The following CDK14 variants were observed in gnomAD, a reference collection of about 807,000 sequenced individuals.
CDK14 encodes the protein cyclin-dependent kinase 14.
In CDK14, 34 loss-of-function variants were observed where a neutral mutation model predicts 60.7. That is an observed-to-expected ratio of 0.56 (90% CI 0.43 to 0.75). The LOEUF is 0.75. Ranked by LOEUF, CDK14 falls within the 30% of genes least tolerant of loss-of-function variation. The probability of loss-of-function intolerance (pLI) is 0.00; values close to 1 mark genes in which losing one functional copy is unlikely to be tolerated. For synonymous variants in CDK14, 197 were observed against 203.7 expected (o/e 0.97, Z 0.28); for missense variants, 482 against 564.1 (o/e 0.85, Z 1.47).
At chr7:91,168,770 C>T (rs1480940291) in intron 14 of CDK14, among the ~76,000 whole-genome samples, 12 of 152,204 alleles carry the variant, frequency 7.9e-5, no homozygotes, top group Admixed American at 3.9e-4. Flanking sequence ...TTTTTATTAA[C>T]GGGTTTTGAG....
chr7:90,923,659 G>A (rs142616138), intron 8 of CDK14, among the ~76,000 whole-genome samples: 3 of 152,274 alleles, frequency 2.0e-5, no homozygotes, highest in African/African-American at 7.2e-5. Context: ...GAGGTAACGA[G>A]ACATCTTTTA....
intron 10 of CDK14, among the ~76,000 whole-genome samples, chr7:91,005,792 C>T (rs1795965896): frequency 6.6e-6 from 1 of 152,220 alleles, no homozygotes; most frequent in African/African-American, 2.4e-5. Context: ...ACAGAATTGG[C>T]ATCTCTAATT....
intron 14 of CDK14, among the ~76,000 whole-genome samples, chr7:91,152,894 C>CA (rs2115696369): frequency 6.6e-6 from 1 of 152,270 alleles, no homozygotes; most frequent in South Asian, 2.1e-4. Flanking sequence ...CTATATGCCC[C>CA]ACAGGTTGAG....
chr7:90,606,774 A>G (rs1012586237), intron 2 of CDK14, among the ~76,000 whole-genome samples: 1 of 152,154 alleles, frequency 6.6e-6, no homozygotes, highest in Non-Finnish European at 1.5e-5. Flanking sequence ...ATGTGAGTAA[A>G]TATCTATTGT....
At chr7:90,602,976 T>C (rs562571231) in intron 1 of CDK14, among the ~76,000 whole-genome samples, 3 of 152,226 alleles carry the variant, frequency 2.0e-5, no homozygotes, top group African/African-American at 2.4e-5. Flanking sequence ...TTTTCTATGA[T>C]AGCTTCAGTT....
At chr7:91,158,743 G>A (rs542411418) in intron 14 of CDK14, among the ~76,000 whole-genome samples, 15 of 152,212 alleles carry the variant, frequency 9.9e-5, no homozygotes, top group African/African-American at 3.1e-4. Context: ...CCTCTACCCC[G>A]TCAGAGGTAA....
rs532717173 is a variant in CDK14 at position 90,731,471 on chromosome 7, T to C, written c.369+4659T>C. Among the ~76,000 whole-genome samples the C allele has an allele frequency of 2.0e-5, 3 of 152,360 alleles. No individual in the cohort carries two copies. The South Asian group carries it at 6.2e-4, about 32-fold the overall frequency. On this transcript the variant is annotated intron_variant, in intron 3 of 14. Transcript: ENST00000380050. ...TCATGATATTGATTCTTCATATCCA[T>C]GACCATGGAATGTTTTTCCATTTGT... is the stretch of plus-strand genomic sequence containing the variant.
At position 90,598,677 on chromosome 7, in the gene CDK14, C is replaced by T. The variant is rs1799245829; in HGVS notation, c.91+1959C>T. On this transcript the variant is annotated intron_variant, in intron 1 of 14. Transcript: ENST00000380050. ...TATATTGTATTTGCAAAATTAAAAC[C>T]AGTGAACTCATTCTGATTATCTAAG... 1.3e-5 allele frequency among the ~76,000 whole-genome samples: 2 copies of T among 148,256 alleles called. 1 individual carries two copies. The highest frequency in any genetic ancestry group is 4.3e-4 in the South Asian group (2 of 4,686).
Position 90,936,799 on chromosome 7 carries a change from C to T in CDK14, c.827-18898C>T, listed in dbSNP as rs73407466. On this transcript the variant is annotated intron_variant, in intron 8 of 14. Transcript: ENST00000380050. ...GGCATCTAAATTAAAATATTTTAGG[C>T]CAGGAATGGTGGCTCACACCTGTGT... 3.5e-3 allele frequency among the ~76,000 whole-genome samples: 528 copies of T among 152,182 alleles called. 5 individuals carry two copies. The highest frequency in any genetic ancestry group is 0.012 in the African/African-American group (495 of 41,500).
intron 2 of CDK14, chr7:90,709,275 A>T: frequency 1.9e-6 from 1 of 533,544 alleles, no homozygotes; most frequent in Non-Finnish European, 3.0e-6. Context: ...TGCAGCATGC[A>T]TGATGGTGGC....
chr7:90,973,751 G>T (rs559416595), intron 9 of CDK14, among the ~76,000 whole-genome samples: 1 of 151,962 alleles, frequency 6.6e-6, no homozygotes, highest in Non-Finnish European at 1.5e-5. Context: ...TTTGAAAGGA[G>T]AGGGGGTGTA....
chr7:90,769,085 C>T (rs968286248), intron 4 of CDK14, among the ~76,000 whole-genome samples: 7 of 152,056 alleles, frequency 4.6e-5, no homozygotes, highest in Non-Finnish European at 7.4e-5. Flanking sequence ...TTCAATTTAC[C>T]TAATTTACAG....
intron 9 of CDK14, 127 bp downstream of exon 9, chr7:90,955,944 T>G: frequency 9.4e-7 from 1 of 1,064,282 alleles, no homozygotes; most frequent in Non-Finnish European, 1.4e-6. Context: ...CATGTGGCCA[T>G]GCTGCTGGAT....
intron 5 of CDK14, among the ~76,000 whole-genome samples, chr7:90,842,383 T>A (rs3802022): frequency 6.6e-6 from 1 of 151,934 alleles, no homozygotes; most frequent in Non-Finnish European, 1.5e-5. Flanking sequence ...GGAAATATTC[T>A]CTTATTAGTG....
rs1223697489 is a variant in CDK14 at position 90,826,929 on chromosome 7, T to C, written c.545-36246T>C. Among the ~76,000 whole-genome samples, 4 of 150,918 alleles carry C rather than the reference T, an allele frequency of 2.7e-5. No homozygotes were observed. The Admixed American group carries it at 2.7e-4, about 10-fold the overall frequency. ...GAGCTTACATCAGGGTTCACTCTGT[T>C]GTATAGTTCTTTGGGTTTTGACAAG... On this transcript the variant is annotated intron_variant, in intron 5 of 14. Coordinates refer to ENST00000380050, the MANE Select transcript of CDK14 (RefSeq NM_001287135.2).
chr7:90,722,764 A>G (rs1471863378), intron 2 of CDK14, among the ~76,000 whole-genome samples: 2 of 152,158 alleles, frequency 1.3e-5, no homozygotes, highest in Admixed American at 6.5e-5. Context: ...CCATTAAATG[A>G]GAGACTACCT....
intron 5 of CDK14, among the ~76,000 whole-genome samples, chr7:90,852,195 C>A (rs1351667536): frequency 6.6e-6 from 1 of 152,118 alleles, no homozygotes; most frequent in East Asian, 1.9e-4. Context: ...CTGTGTCTGG[C>A]AAATCTTTTA....
intron 9 of CDK14, among the ~76,000 whole-genome samples, chr7:90,965,688 A>G (rs1230773894): frequency 6.6e-6 from 1 of 152,202 alleles, no homozygotes; most frequent in Non-Finnish European, 1.5e-5. Context: ...GAATGCATAC[A>G]TTAGAGATAC....
At chr7:91,168,276 A>AG (rs397704010) in intron 14 of CDK14, among the ~76,000 whole-genome samples, 2 of 151,466 alleles carry the variant, frequency 1.3e-5, no homozygotes, top group African/African-American at 4.9e-5. Flanking sequence ...AAAAAAAAAA[A>AG]GATAATTGGG....
Sources: gnomAD v4.1 joint callset for allele counts (sites outside exome capture counted in the v4.1 genomes callset) on GRCh38, gnomAD v4.1.1 for gene constraint, MANE v1.5 for transcripts, NCBI Gene and HGNC (gene_info 2026-07-23, HGNC 2026-07-21) for gene names.